The following CLEC16A variants were observed in gnomAD, a reference collection of about 807,000 sequenced individuals.
CLEC16A encodes C-type lectin domain containing 16A.
CLEC16A carries 51 observed loss-of-function variants against 109.5 expected under a neutral mutation model. That is an observed-to-expected ratio of 0.47 (90% confidence interval 0.37 to 0.59). The LOEUF (loss-of-function observed/expected upper bound fraction) is 0.59. CLEC16A is among the 20% of genes least tolerant of loss of function. The probability of loss-of-function intolerance (pLI) is 0.00; values close to 1 mark genes in which losing one functional copy is unlikely to be tolerated. For missense variants in CLEC16A, 1,339 were observed against 1,394.0 expected (o/e 0.96, Z 0.63); for synonymous variants, 673 against 564.2 (o/e 1.19, Z -2.73).
chr16:11,010,589 G>A (rs185083347), intron 11 of CLEC16A, among the ~76,000 whole-genome samples: 106 of 152,104 alleles, frequency 7.0e-4, no homozygotes, highest in African/African-American at 2.5e-3. Flanking sequence ...CACATTCATC[G>A]TGCCCCTTTC....
chr16:10,988,235 TC>T (rs1356866737), intron 10 of CLEC16A, among the ~76,000 whole-genome samples: 1 of 152,258 alleles, frequency 6.6e-6, no homozygotes, highest in East Asian at 1.9e-4. Flanking sequence ...GACTTTTTTT[TC>T]CTCTTGGGTT....
intron 23 of CLEC16A, among the ~76,000 whole-genome samples, chr16:11,172,247 C>G (rs555352566): frequency 6.6e-6 from 1 of 152,188 alleles, no homozygotes. Context: ...TACAGTCACA[C>G]GCATACAAAT....
intron 11 of CLEC16A, among the ~76,000 whole-genome samples, chr16:11,004,171 C>G (rs2044848134): frequency 1.3e-5 from 2 of 152,104 alleles, no homozygotes; most frequent in African/African-American, 4.8e-5. Flanking sequence ...AATTTTTCAC[C>G]TCCCTCTCGT....
chr16:11,167,580 C>G (rs79513319), intron 23 of CLEC16A, among the ~76,000 whole-genome samples: 4 of 152,190 alleles, frequency 2.6e-5, no homozygotes, highest in Non-Finnish European at 5.9e-5. Context: ...CTCTTGGGCA[C>G]TTCCAGCTTT....
chr16:11,126,483 T>C (rs1027972879), intron 22 of CLEC16A: 3 of 1,078,944 alleles, frequency 2.8e-6, no homozygotes, highest in Admixed American at 6.1e-5. Context: ...TCCTTCTCCA[T>C]GTAAGATGAC....
intron 13 of CLEC16A, chr16:11,026,923 G>T: frequency 2.0e-6 from 2 of 987,796 alleles, no homozygotes; most frequent in South Asian, 1.5e-5. Context: ...GTCCTCCAGC[G>T]TGAGCTAGAA....
At chr16:11,005,355 C>T (rs1311871193) in intron 11 of CLEC16A, among the ~76,000 whole-genome samples, 3 of 152,166 alleles carry the variant, frequency 2.0e-5, no homozygotes, top group African/African-American at 7.2e-5. Context: ...ATTTCTGCCA[C>T]GTCCAAAAGC....
At chr16:11,157,016 G>A in intron 22 of CLEC16A, 1 of 1,254,188 alleles carries the variant, frequency 8.0e-7, no homozygotes, top group African/African-American at 1.6e-5. Context: ...CATTTCTAAG[G>A]GCACAATTAG....
chr16:11,091,677 A>G (rs1393463015), intron 19 of CLEC16A, among the ~76,000 whole-genome samples: 1 of 152,174 alleles, frequency 6.6e-6, no homozygotes, highest in African/African-American at 2.4e-5. Flanking sequence ...CCTGAGCCTC[A>G]GGTTTCCTTC....
intron 23 of CLEC16A, among the ~76,000 whole-genome samples, chr16:11,168,948 C>T (rs1008531524): frequency 2.6e-5 from 4 of 152,202 alleles, no homozygotes; most frequent in African/African-American, 9.6e-5. Flanking sequence ...CCCAACTTTC[C>T]ACCCACCAGG....
chr16:11,020,530 C>T (rs1567204888), intron 12 of CLEC16A, among the ~76,000 whole-genome samples: 1 of 146,134 alleles, frequency 6.8e-6, no homozygotes, highest in Non-Finnish European at 1.5e-5. Context: ...CACTCCTTTG[C>T]AAAGAGATTC....
In CLEC16A at chr16:10,945,266, T is replaced by C. The variant is rs959445066; in HGVS notation, c.80+469T>C. 2.0e-5 allele frequency among the ~76,000 whole-genome samples: 3 copies of C among 152,132 alleles called. No homozygotes were observed. In the East Asian group the frequency reaches 5.8e-4, roughly 29 times the overall value. ...TGACAGCACCTGCTTCCTGCTATTG[T>C]GTTGAGAGTTGGTTGGATAAGAGAA... On this transcript the variant is annotated intron_variant, in intron 1 of 23. Transcript: ENST00000409790.
At chr16:11,140,536 C>T (rs1346562545) in intron 22 of CLEC16A, among the ~76,000 whole-genome samples, 1 of 152,198 alleles carries the variant, frequency 6.6e-6, no homozygotes, top group Non-Finnish European at 1.5e-5. Context: ...GAGGCCATGG[C>T]TTTCCCATCC....
At chr16:11,115,220 G>T (rs549597618) in intron 19 of CLEC16A, among the ~76,000 whole-genome samples, 2 of 152,260 alleles carry the variant, frequency 1.3e-5, no homozygotes, top group South Asian at 4.1e-4. Context: ...ACAGAAGGTA[G>T]TCAAGTTGTC....
chr16:10,973,246 C>T (rs1416233965), intron 7 of CLEC16A, among the ~76,000 whole-genome samples, 185 bp downstream of exon 7: 1 of 152,210 alleles, frequency 6.6e-6, no homozygotes, highest in African/African-American at 2.4e-5. Context: ...GGAAACAACT[C>T]AGACGCCTCC....
rs1479274198 is a variant in CLEC16A at position 11,179,459 on chromosome 16, G to T, written c.*769G>T. ...TCTCAGGTACACACAGAGCTGAGAG[G>T]GCTGAATGGTTTTCTGCTATAGCAG... On this transcript the variant is annotated 3_prime_UTR_variant, in exon 24 of 24. Coordinates refer to ENST00000409790, the MANE Select transcript of CLEC16A (RefSeq NM_015226.3). 2 of 152,190 alleles carry T rather than the reference G, an allele frequency of 1.3e-5. No individual in the cohort carries two copies. Among genetic ancestry groups the T allele is most frequent in the African/African-American group, 4.8e-5 (2 of 41,444 alleles). 9.4% of individuals were successfully genotyped at this position (152,190 alleles called of 1,614,324 possible).
At chr16:11,027,461 G>A (rs2046475980) in intron 13 of CLEC16A, 2 of 1,578,336 alleles carry the variant, frequency 1.3e-6, no homozygotes, top group Admixed American at 1.7e-5. Context: ...CAAATCTGAA[G>A]TCTGTCCGAG....
intron 10 of CLEC16A, among the ~76,000 whole-genome samples, chr16:10,994,857 T>C (rs1446805576): frequency 1.3e-5 from 2 of 152,224 alleles, no homozygotes; most frequent in Non-Finnish European, 2.9e-5. Flanking sequence ...GCCTAGTCTT[T>C]ACATCAGTGC....
intron 11 of CLEC16A, among the ~76,000 whole-genome samples, chr16:11,012,594 C>CAA (rs551902895): frequency 0.012 from 822 of 67,856 alleles, 56 homozygotes; most frequent in Non-Finnish European, 0.016. Flanking sequence ...GACTCCGTCT[C>CAA]AAAAAAAAAA....
Sources: gnomAD v4.1 joint callset for allele counts (sites outside exome capture counted in the v4.1 genomes callset) on GRCh38, gnomAD v4.1.1 for gene constraint, MANE v1.5 for transcripts, NCBI Gene and HGNC (gene_info 2026-07-23, HGNC 2026-07-21) for gene names.